BTBD9: variants seen among roughly 807,000 people sequenced by gnomAD.
The protein encoded by BTBD9 is BTB domain containing 9.
Under a neutral mutation model 64.3 loss-of-function variants are expected in BTBD9, and 49 were observed. The ratio of observed to expected loss-of-function variants is 0.76; its 90% confidence interval spans 0.61 to 0.97. The LOEUF (loss-of-function observed/expected upper bound fraction) is 0.97. BTBD9 is among the 50% of genes least tolerant of loss of function. BTBD9 has a pLI of 0.00. For missense variants in BTBD9, 598 were observed against 762.1 expected (o/e 0.78, Z 2.53); for synonymous variants, 260 against 274.7 (o/e 0.95, Z 0.53).
chr6:38,580,318 G>A lies in BTBD9; in HGVS notation c.934C>T (p.His312Tyr). The A allele has an allele frequency of 6.2e-7, 1 of 1,614,186 alleles. No homozygotes were observed. Among genetic ancestry groups the A allele is most frequent in the African/African-American group, 1.3e-5 (1 of 75,058 alleles). Residue 312 changes from histidine (H) to tyrosine (Y), a missense_variant, in exon 5 of 11, where the codon CAC becomes TAC. By Grantham distance (83) the His-to-Tyr change is moderately conservative. Coordinates refer to ENST00000481247, the MANE Select transcript of BTBD9 (RefSeq NM_001099272.2). ...NYDLDHGFSR[H>Y]PIDDDCRSGI... ...GAACGGCAGTCATCATCAATTGGGT[G>A]CCTTGAAAATCCATGATCCAAATCA...
intron 6 of BTBD9, among the ~76,000 whole-genome samples, chr6:38,560,187 T>A (rs1220573602): frequency 6.6e-6 from 1 of 152,092 alleles, no homozygotes; most frequent in African/African-American, 2.4e-5. Context: ...AGGTCTAATA[T>A]CTAGAATTTA....
chr6:38,599,949 T>A (rs1163092836), intron 1 of BTBD9, among the ~76,000 whole-genome samples: 1 of 152,218 alleles, frequency 6.6e-6, no homozygotes, highest in Non-Finnish European at 1.5e-5. Flanking sequence ...ACTAGCAGGA[T>A]AATCCCTTAA....
chr6:38,425,281 T>A (rs1281002247), intron 6 of BTBD9, among the ~76,000 whole-genome samples: 3 of 151,624 alleles, frequency 2.0e-5, no homozygotes, highest in Non-Finnish European at 4.4e-5. Flanking sequence ...AACTTTTGTA[T>A]TTTTAGTAGA....
intron 7 of BTBD9, among the ~76,000 whole-genome samples, chr6:38,338,868 C>T (rs971901125): frequency 2.0e-5 from 3 of 152,166 alleles, no homozygotes; most frequent in African/African-American, 7.2e-5. Context: ...TGAAAAGATG[C>T]TCAATTTCTC....
intron 6 of BTBD9, among the ~76,000 whole-genome samples, chr6:38,391,236 C>G (rs959046845): frequency 2.0e-5 from 3 of 152,160 alleles, no homozygotes; most frequent in Non-Finnish European, 4.4e-5. Flanking sequence ...TCCTTTTTAT[C>G]AAGTCTTAAG....
At chr6:38,605,438 G>A (rs1777399155) in intron 1 of BTBD9, among the ~76,000 whole-genome samples, 4 of 152,168 alleles carry the variant, frequency 2.6e-5, no homozygotes, top group African/African-American at 9.7e-5. Context: ...AAATAAATAG[G>A]TGACTTGAGA....
rs943095790 is a variant in BTBD9, at chr6:38,587,790, T to G, written c.814+4786A>C. 23 of 712,142 alleles carry G rather than the reference T, an allele frequency of 3.2e-5. No homozygotes were observed. The East Asian group carries it at 6.1e-4, about 19-fold the overall frequency. 44.1% of individuals were successfully genotyped at this position (712,142 alleles called of 1,614,324 possible). On this transcript the variant is annotated intron_variant, in intron 4 of 10. Coordinates refer to ENST00000481247, the MANE Select transcript of BTBD9 (RefSeq NM_001099272.2). ...AAAAGCCTGCTTCTTCGGATTCTTC[T>G]GGAAAACAGTCTACTCAGGTTATGG...
At position 38,294,456 on chromosome 6, in the gene BTBD9, T is replaced by C. The variant is rs1445220947; in HGVS notation, c.1265-5995A>G. On this transcript the variant is annotated intron_variant, in intron 7 of 10. Coordinates refer to ENST00000481247, the MANE Select transcript of BTBD9 (RefSeq NM_001099272.2). Reference sequence around the variant, plus strand: ...AAGAAAATGTGGCACATATACACCATGGAGTACTATGCAGCCATAAAAAGG... The same window carrying C: ...AAGAAAATGTGGCACATATACACCACGGAGTACTATGCAGCCATAAAAAGG... 3.3e-5 allele frequency among the ~76,000 whole-genome samples: 5 copies of C among 152,294 alleles called. No homozygotes were observed. The East Asian group carries it at 5.8e-4, about 18-fold the overall frequency.
chr6:38,403,208 T>C (rs1767020747), intron 6 of BTBD9, among the ~76,000 whole-genome samples: 1 of 152,078 alleles, frequency 6.6e-6, no homozygotes, highest in Admixed American at 6.6e-5. Flanking sequence ...CATCAAAATT[T>C]AAAACTTTTG....
intron 6 of BTBD9, among the ~76,000 whole-genome samples, chr6:38,534,868 T>C (rs1205572284): frequency 1.3e-5 from 2 of 151,964 alleles, no homozygotes; most frequent in Non-Finnish European, 2.9e-5. Context: ...AGGAACATAC[T>C]TCAACATAAT....
chr6:38,458,324 A>T (rs1769914513), intron 6 of BTBD9, among the ~76,000 whole-genome samples: 1 of 152,182 alleles, frequency 6.6e-6, no homozygotes, highest in Non-Finnish European at 1.5e-5. Flanking sequence ...TTGAGACTGA[A>T]TATTTTCTAT....
intron 8 of BTBD9, among the ~76,000 whole-genome samples, chr6:38,266,357 G>A (rs185211801): frequency 1.5e-4 from 23 of 152,222 alleles, no homozygotes; most frequent in African/African-American, 4.8e-4. Flanking sequence ...TGGATCACCC[G>A]AGGTCAGGAG....
intron 6 of BTBD9, among the ~76,000 whole-genome samples, chr6:38,549,597 AT>A (rs1176507181): frequency 2.0e-5 from 3 of 152,166 alleles, no homozygotes; most frequent in Non-Finnish European, 4.4e-5. Flanking sequence ...AAAAAAAAAA[AT>A]CTTAGTGGTA....
intron 9 of BTBD9, among the ~76,000 whole-genome samples, chr6:38,206,476 C>T (rs932870815): frequency 3.3e-5 from 5 of 151,460 alleles, no homozygotes; most frequent in African/African-American, 7.3e-5. Flanking sequence ...CCTGACCTCA[C>T]GTGATCCACC....
intron 6 of BTBD9, among the ~76,000 whole-genome samples, chr6:38,472,983 T>A (rs1262618568): frequency 6.6e-6 from 1 of 152,208 alleles, no homozygotes; most frequent in Non-Finnish European, 1.5e-5. Flanking sequence ...GTGAAGTATG[T>A]GAAAACACCA....
chr6:38,597,831 A>G, intron 2 of BTBD9, 79 bp downstream of exon 2: 2 of 1,194,372 alleles, frequency 1.7e-6, no homozygotes, highest in Non-Finnish European at 2.4e-6. Context: ...ATACTTGGTT[A>G]TATATTTTTC....
intron 6 of BTBD9, among the ~76,000 whole-genome samples, chr6:38,573,210 G>A (rs535717993): frequency 2.0e-5 from 3 of 152,186 alleles, no homozygotes; most frequent in South Asian, 4.1e-4. Flanking sequence ...TTGGCAAAAC[G>A]GTGACAGTGT....
intron 6 of BTBD9, chr6:38,482,022 T>C (rs371232472): frequency 1.3e-5 from 2 of 152,198 alleles, no homozygotes; most frequent in African/African-American, 4.8e-5. Context: ...CTGTATAATG[T>C]TGAAGGGGAA....
At chr6:38,342,660 G>A (rs998290632) in intron 7 of BTBD9, among the ~76,000 whole-genome samples, 1 of 151,960 alleles carries the variant, frequency 6.6e-6, no homozygotes, top group Non-Finnish European at 1.5e-5. Context: ...CAGGAGGGGA[G>A]TGCATATTTC....
Sources: gnomAD v4.1 joint callset for allele counts (sites outside exome capture counted in the v4.1 genomes callset) on GRCh38, gnomAD v4.1.1 for gene constraint, MANE v1.5 for transcripts, NCBI Gene and HGNC (gene_info 2026-07-23, HGNC 2026-07-21) for gene names.